Variants in SLC24A4 observed in about 807,000 individuals in gnomAD.
SLC24A4 encodes the protein solute carrier family 24 member 4, also known as sodium/potassium/calcium exchanger 4.
In SLC24A4, 53 loss-of-function variants were observed where a neutral mutation model predicts 79.0. That is an observed-to-expected ratio of 0.67 (90% CI 0.54 to 0.84). The LOEUF (loss-of-function observed/expected upper bound fraction) is 0.84. Ranked by LOEUF, SLC24A4 falls within the 40% of genes least tolerant of loss-of-function variation. The pLI is 0.00. For missense variants in SLC24A4, 731 were observed against 822.0 expected (o/e 0.89, Z 1.35); for synonymous variants, 323 against 323.8 (o/e 1.00, Z 0.03).
chr14:92,371,064 A>G (rs1356356372), intron 2 of SLC24A4, among the ~76,000 whole-genome samples: 2 of 152,272 alleles, frequency 1.3e-5, no homozygotes, highest in Middle Eastern at 3.2e-3. Flanking sequence ...AGTTCCCGGC[A>G]AAACTTTCCT....
chr14:92,411,550 G>T (rs771384717), intron 2 of SLC24A4, among the ~76,000 whole-genome samples: 3 of 152,022 alleles, frequency 2.0e-5, no homozygotes, highest in African/African-American at 7.2e-5. Flanking sequence ...GCTGTCTCTC[G>T]GCCAGAGCTG....
intron 12 of SLC24A4, among the ~76,000 whole-genome samples, chr14:92,473,458 C>T (rs567812807): frequency 9.2e-5 from 14 of 152,280 alleles, no homozygotes; most frequent in East Asian, 5.8e-4. Flanking sequence ...AACCAAGGAG[C>T]GAGATACTCT....
chr14:92,399,517 C>T (rs771967924), intron 2 of SLC24A4, among the ~76,000 whole-genome samples: 10 of 152,114 alleles, frequency 6.6e-5, no homozygotes, highest in East Asian at 1.9e-4. Flanking sequence ...GGGAGAAATC[C>T]GTATTTCCTG....
At chr14:92,374,100 C>T (rs1888363450) in intron 2 of SLC24A4, among the ~76,000 whole-genome samples, 2 of 152,228 alleles carry the variant, frequency 1.3e-5, no homozygotes. Flanking sequence ...AGCCAAAATG[C>T]AGAGAACCCC....
chr14:92,379,294 T>C (rs996609961), intron 2 of SLC24A4, among the ~76,000 whole-genome samples: 1 of 152,166 alleles, frequency 6.6e-6, no homozygotes, highest in African/African-American at 2.4e-5. Context: ...AGGAAGGTGC[T>C]TTCTGCCCAA....
At chr14:92,438,912 T>G (rs1385761192) in intron 3 of SLC24A4, among the ~76,000 whole-genome samples, 1 of 152,180 alleles carries the variant, frequency 6.6e-6, no homozygotes, top group Non-Finnish European at 1.5e-5. Context: ...CCTTGGTCTT[T>G]CTGGTGACCT....
chr14:92,479,450 G>A (rs1349944412), intron 12 of SLC24A4, among the ~76,000 whole-genome samples: 1 of 152,170 alleles, frequency 6.6e-6, no homozygotes, highest in African/African-American at 2.4e-5. Context: ...CTTTTCCGTG[G>A]CAGTTTAGAG....
chr14:92,337,209 G>A (rs1885863703), intron 2 of SLC24A4, among the ~76,000 whole-genome samples: 1 of 152,148 alleles, frequency 6.6e-6, no homozygotes, highest in African/African-American at 2.4e-5. Flanking sequence ...AGTTGGGGCG[G>A]TCTCCCCAAT....
At chr14:92,333,924 G>A (rs749665234) in intron 2 of SLC24A4, among the ~76,000 whole-genome samples, 1 of 151,872 alleles carries the variant, frequency 6.6e-6, no homozygotes, top group South Asian at 2.1e-4. Flanking sequence ...GCCCTCAGGG[G>A]TGGGCCTCTG....
At chr14:92,345,027 G>A (rs1886445921) in intron 2 of SLC24A4, among the ~76,000 whole-genome samples, 1 of 152,320 alleles carries the variant, frequency 6.6e-6, no homozygotes, top group South Asian at 2.1e-4. Flanking sequence ...TTGTTGAAGT[G>A]TGAAGGTATC....
At chr14:92,407,829 G>T (rs1890475290) in intron 2 of SLC24A4, among the ~76,000 whole-genome samples, 1 of 151,614 alleles carries the variant, frequency 6.6e-6, no homozygotes, top group African/African-American at 2.4e-5. Context: ...ATCACAGGGT[G>T]ATCAGATACA....
Position 92,493,350 on chromosome 14 carries a change from C to T in SLC24A4, c.1717-126C>T, listed in dbSNP as rs917740300. On this transcript the variant is annotated intron_variant, in intron 16 of 16. Transcript: ENST00000532405. ...CAAACTGAGGATCAGACTGCAGCAC[C>T]CCGCTACACTTGCCCACATTCTGCA... 7 of 1,143,552 alleles carry T rather than the reference C, an allele frequency of 6.1e-6. No homozygotes were observed. The African/African-American group carries it at 9.4e-5, about 15-fold the overall frequency. 70.8% of individuals were successfully genotyped at this position (1,143,552 alleles called of 1,614,324 possible). A position where few individuals can be genotyped will look rare whatever the true frequency, so the allele number is the denominator to read the frequency against.
At chr14:92,447,489 G>A (rs2139824746) in intron 9 of SLC24A4, 65 bp downstream of exon 9, 1 of 1,457,186 alleles carries the variant, frequency 6.9e-7, no homozygotes, top group South Asian at 1.1e-5. Flanking sequence ...ACAGCCTTTT[G>A]TGACAGCAGG....
chr14:92,375,615 A>G lies in SLC24A4; in HGVS notation c.241+49637A>G, dbSNP rs111655537. On this transcript the variant is annotated intron_variant, in intron 2 of 16. Transcript: ENST00000532405. ...TGCTATGTCCATATAATGGAATATT[A>G]TTCAGCCTTAAAAGGAAGGAAGTAC... Among the ~76,000 whole-genome samples the G allele has an allele frequency of 1.2e-3, 178 of 152,386 alleles. 1 individual carries two copies. The highest frequency in any genetic ancestry group is 4.2e-3 in the African/African-American group (173 of 41,596).
chr14:92,460,607 AG>A (rs1183289859), intron 12 of SLC24A4, among the ~76,000 whole-genome samples: 2 of 152,224 alleles, frequency 1.3e-5, no homozygotes, highest in Non-Finnish European at 2.9e-5. Context: ...CCTCTCAGTC[AG>A]TAAACAGTTA....
At chr14:92,423,630 A>C (rs1407933526) in intron 2 of SLC24A4, among the ~76,000 whole-genome samples, 1 of 152,210 alleles carries the variant, frequency 6.6e-6, no homozygotes, top group Non-Finnish European at 1.5e-5. Flanking sequence ...GACCACACAA[A>C]TGAAAACAAC....
chr14:92,470,263 A>C (rs1595339421), intron 12 of SLC24A4, among the ~76,000 whole-genome samples: 1 of 152,164 alleles, frequency 6.6e-6, no homozygotes, highest in South Asian at 2.1e-4. Context: ...CTTACACTCA[A>C]ATTTGAGAAC....
chr14:92,461,766 C>A (rs1893824556), intron 12 of SLC24A4, among the ~76,000 whole-genome samples: 1 of 152,156 alleles, frequency 6.6e-6, no homozygotes, highest in African/African-American at 2.4e-5. Flanking sequence ...GGCATCTGTG[C>A]CCCATGCCCT....
chr14:92,341,174 G>A (rs890582411), intron 2 of SLC24A4, among the ~76,000 whole-genome samples: 6 of 152,206 alleles, frequency 3.9e-5, no homozygotes, highest in Non-Finnish European at 7.3e-5. Context: ...CTTGCTTCAT[G>A]TGTAGATGAA....
Sources: gnomAD v4.1 joint callset for allele counts (sites outside exome capture counted in the v4.1 genomes callset) on GRCh38, gnomAD v4.1.1 for gene constraint, MANE v1.5 for transcripts, NCBI Gene and HGNC (gene_info 2026-07-23, HGNC 2026-07-21) for gene names.